The following ANKRD52 variants were observed in gnomAD, a reference collection of about 807,000 sequenced individuals.
ANKRD52 encodes the protein ankyrin repeat domain 52.
Under a neutral mutation model 116.0 loss-of-function variants are expected in ANKRD52, and 7 were observed. That is an observed-to-expected ratio of 0.06 (90% CI 0.03 to 0.11). The LOEUF (loss-of-function observed/expected upper bound fraction) is 0.11, where lower values mean the gene tolerates loss of function less well. Among genes scored for constraint, ANKRD52 ranks in the 10% least tolerant of loss-of-function variants. The pLI is 1.00. For missense variants in ANKRD52, 839 were observed against 1,408.6 expected (o/e 0.60, Z 6.47); for synonymous variants, 528 against 578.1 (o/e 0.91, Z 1.24).
Position 56,243,188 on chromosome 12 carries a change from T to C in ANKRD52, c.3185A>G (p.Gln1062Arg). 1 of 1,612,100 alleles carries C rather than the reference T, an allele frequency of 6.2e-7. No homozygotes were observed. Residue 1062 changes from glutamine (Q) to arginine (R), a missense_variant, in exon 28 of 28, where the codon CAG becomes CGG. Transcript: ENST00000267116. The surrounding 1 kb of genome is among the most constrained non-coding windows in gnomAD (Gnocchi z 4.6). ...TAACCCAATGGCGCCGGGCCGCTCC[T>C]GGCTGTAGGGGCAGGAGGCCCCATG... Reference protein sequence around the residue: ...LPHGASCPYSQERPGAIGLDG... With the variant: ...LPHGASCPYSRERPGAIGLDG...
In ANKRD52 at chr12:56,252,220, C is replaced by T. The variant is rs2135889135; in HGVS notation, c.1466G>A (p.Gly489Asp). ...GAGVNEADCK[G>D]CSPLHYAAAS... Reference sequence around the variant, plus strand: ...GGCAGCGTAGTGGAGGGGAGAGCAGCCTTTACAGTCGGCCTCGTTGACACC... The same window carrying T: ...GGCAGCGTAGTGGAGGGGAGAGCAGTCTTTACAGTCGGCCTCGTTGACACC... The change falls in exon 14 of 28, where the codon GGC becomes GAC. Residue 489 changes from glycine (G) to aspartate (D), a missense_variant. Coordinates refer to ENST00000267116, the MANE Select transcript of ANKRD52 (RefSeq NM_173595.4). This position sits in a 1 kb window ranked among gnomAD's most constrained non-coding sequence, Gnocchi z 4.7. 6.2e-7 allele frequency: 1 copy of T among 1,613,970 alleles called. No individual in the cohort carries two copies. The highest frequency in any genetic ancestry group is 2.2e-5 in the East Asian group (1 of 44,882).
chr12:56,255,684 G>T lies in ANKRD52; in HGVS notation c.462+100C>A. ...AAGTGTTTATATAACCATCCGGGCT[G>T]CTTCTCCTTCAGGCTTGAGGGCCCA... On this transcript the variant is annotated intron_variant, in intron 5 of 27. Coordinates refer to ENST00000267116, the MANE Select transcript of ANKRD52 (RefSeq NM_173595.4). This position sits in a 1 kb window ranked among gnomAD's most constrained non-coding sequence, Gnocchi z 4.3. 1 of 1,139,228 alleles carries T rather than the reference G, an allele frequency of 8.8e-7. No individual in the cohort carries two copies. Among genetic ancestry groups the T allele is most frequent in the Non-Finnish European group, 1.3e-6 (1 of 799,332 alleles). 70.6% of individuals were successfully genotyped at this position (1,139,228 alleles called of 1,614,324 possible). A position where few individuals can be genotyped will look rare whatever the true frequency, so the allele number is the denominator to read the frequency against.
At position 56,248,170 on chromosome 12, in the gene ANKRD52, G is replaced by A. The variant is rs755939369; in HGVS notation, c.1831C>T (p.Leu611=). 1.6e-5 allele frequency: 26 copies of A among 1,613,848 alleles called. No homozygotes were observed. The East Asian group carries it at 5.8e-4, about 36-fold the overall frequency. The change falls in exon 18 of 28, where the codon CTG becomes TTG. Residue 611 remains leucine (L), a synonymous_variant. Transcript: ENST00000267116. The surrounding 1 kb of genome is among the most constrained non-coding windows in gnomAD (Gnocchi z 5.1). ...CGGCCCTTGTGGTCCCTTACGTCCAGATTCACCAGCGTCTCCGCCAGCGTC... is the reference window on the plus strand; with the variant it reads ...CGGCCCTTGTGGTCCCTTACGTCCAAATTCACCAGCGTCTCCGCCAGCGTC... ...LKTLAETLVN[L]DVRDHKGRTA...
At chr12:56,247,633 G>C (rs1481262831) in intron 19 of ANKRD52, 23 bp from the exon 20 acceptor site, 1 of 1,590,870 alleles carries the variant, frequency 6.3e-7, no homozygotes, top group Non-Finnish European at 8.6e-7. Context: ...AGGAGGAGGA[G>C]TGAGGATCCC....
Position 56,252,621 on chromosome 12 carries a change from G to T in ANKRD52, c.1302-51C>A. On this transcript the variant is annotated intron_variant, in intron 12 of 27. Transcript: ENST00000267116. This position sits in a 1 kb window ranked among gnomAD's most constrained non-coding sequence, Gnocchi z 4.7. ...TTACAGCCTCAAAGGGAAGCCACAGGCCCAGGGTGGGGCTAAGGAAGGATG... is the reference window on the plus strand; with the variant it reads ...TTACAGCCTCAAAGGGAAGCCACAGTCCCAGGGTGGGGCTAAGGAAGGATG... The T allele has an allele frequency of 1.3e-6, 2 of 1,586,370 alleles. No individual in the cohort carries two copies. Among genetic ancestry groups the T allele is most frequent in the Non-Finnish European group, 1.7e-6 (2 of 1,155,996 alleles).
chr12:56,250,333 A>G (rs1271493384), intron 15 of ANKRD52, among the ~76,000 whole-genome samples: 3 of 150,760 alleles, frequency 2.0e-5, no homozygotes, highest in African/African-American at 7.3e-5. Context: ...CTGGAATTAC[A>G]GGCATGAGTC....
At chr12:56,257,211 T>C (rs1871996208) in intron 3 of ANKRD52, 72 bp downstream of exon 3, 3 of 1,544,214 alleles carry the variant, frequency 1.9e-6, no homozygotes, top group Admixed American at 1.9e-5. Context: ...AGAGCAATCC[T>C]TGAATATCAA....
In ANKRD52 at chr12:56,241,200, A is replaced by T. The variant is rs755244739; in HGVS notation, c.*1942T>A. 14 of 152,152 alleles carry T rather than the reference A, an allele frequency of 9.2e-5. No individual in the cohort carries two copies. Among genetic ancestry groups the T allele is most frequent in the Non-Finnish European group, 1.8e-4 (12 of 68,032 alleles). 9.4% of individuals were successfully genotyped at this position (152,152 alleles called of 1,614,324 possible). On this transcript the variant is annotated 3_prime_UTR_variant, in exon 28 of 28. Coordinates refer to ENST00000267116, the MANE Select transcript of ANKRD52 (RefSeq NM_173595.4). Reference sequence around the variant, plus strand: ...GGCTTTGAAAATAAAAATAAAAACTAAAAGCTGCACAATCCTTCTCATCAA... The same window carrying T: ...GGCTTTGAAAATAAAAATAAAAACTTAAAGCTGCACAATCCTTCTCATCAA...
In ANKRD52 at chr12:56,245,533, G is replaced by A; in HGVS notation, c.2248C>T (p.Arg750Ter). ...LLDHDAFVLC[R>*]DFKGRTPIHL... ...ATGGGCGTGCGGCCCTTAAAGTCTC[G>A]GCACAGCACAAATGCGTCGTGGTCC... The change falls in exon 21 of 28, where the codon CGA (arginine) becomes TGA (stop). Residue 750 changes from arginine (R) to a stop codon, truncating the protein, a stop_gained. Coordinates refer to ENST00000267116, the MANE Select transcript of ANKRD52 (RefSeq NM_173595.4). LOFTEE classifies it high-confidence loss of function. 6.2e-7 allele frequency: 1 copy of A among 1,611,094 alleles called. No individual in the cohort carries two copies. Among genetic ancestry groups the A allele is most frequent in the Non-Finnish European group, 8.5e-7 (1 of 1,178,810 alleles).
chr12:56,243,407 G>A lies in ANKRD52; in HGVS notation c.2981-15C>T, dbSNP rs1871254005. On this transcript the variant is annotated splice_polypyrimidine_tract_variant and intron_variant, in intron 27 of 27. Transcript: ENST00000267116. This position sits in a 1 kb window ranked among gnomAD's most constrained non-coding sequence, Gnocchi z 4.6. ...TGGGGTGTGACCTGCAGGGCCAAGG[G>A]GGAGAACTGAGGCATAGAGTCCTGT... 6.2e-7 allele frequency: 1 copy of A among 1,612,468 alleles called. No individual in the cohort carries two copies. The highest frequency in any genetic ancestry group is 1.3e-5 in the African/African-American group (1 of 74,914).
In ANKRD52 at chr12:56,253,677, T is replaced by C. The variant is rs1871806601; in HGVS notation, c.985+45A>G. On this transcript the variant is annotated intron_variant, in intron 9 of 27. Coordinates refer to ENST00000267116, the MANE Select transcript of ANKRD52 (RefSeq NM_173595.4). This position sits in a 1 kb window ranked among gnomAD's most constrained non-coding sequence, Gnocchi z 5.5. The stretch of plus-strand genomic sequence containing the variant: ...TCCCTAGATTCTAGAAATGAGTTCC[T>C]TGGGGGAGGAGGGGATGAGAGCACA... 2.5e-6 allele frequency: 4 copies of C among 1,587,582 alleles called. No homozygotes were observed. The highest frequency in any genetic ancestry group is 1.7e-5 in the Admixed American group (1 of 59,590).
rs111563777 is a variant in ANKRD52, at chr12:56,243,873, T to C, written c.2892A>G (p.Pro964=). ...INATNSALQM[P]LHIAARNGLA... is the part of the protein sequence containing the mutation. ...GACCATTCCGGGCAGCAATGTGGAG[T>C]GGCCTTGGAAAAAAGGAAAAAGAAG... The change falls in exon 27 of 28, where the codon CCA becomes CCG. Residue 964 remains proline, a synonymous_variant. Coordinates refer to ENST00000267116, the MANE Select transcript of ANKRD52 (RefSeq NM_173595.4). This position sits in a 1 kb window ranked among gnomAD's most constrained non-coding sequence, Gnocchi z 4.6. 2.8e-4 allele frequency: 446 copies of C among 1,565,696 alleles called. 3 individuals carry two copies. The Middle Eastern group carries it at 6.7e-3, about 23-fold the overall frequency.
rs1871883775 is a variant in ANKRD52, at chr12:56,255,102, G to A, written c.463-150C>T. 6.2e-6 allele frequency: 4 copies of A among 646,230 alleles called. No homozygotes were observed. 40.0% of individuals were successfully genotyped at this position (646,230 alleles called of 1,614,324 possible). A position where few individuals can be genotyped will look rare whatever the true frequency, so the allele number is the denominator to read the frequency against. ...ACCTGGAGGACTCGAGGGAACAGCA[G>A]AAGCAGGCACTAAGGAGGAGATACT... On this transcript the variant is annotated intron_variant, in intron 5 of 27. Coordinates refer to ENST00000267116, the MANE Select transcript of ANKRD52 (RefSeq NM_173595.4). The surrounding 1 kb of genome is among the most constrained non-coding windows in gnomAD (Gnocchi z 4.3).
In ANKRD52 at chr12:56,244,818, T is replaced by G. The variant is rs1166953132; in HGVS notation, c.2577-21A>C. On this transcript the variant is annotated intron_variant, in intron 23 of 27. Coordinates refer to ENST00000267116, the MANE Select transcript of ANKRD52 (RefSeq NM_173595.4). This position sits in a 1 kb window ranked among gnomAD's most constrained non-coding sequence, Gnocchi z 4.9. ...GGGTCCTGTAAGGCAGGGATCAGGGTAGATTAAAATAGGGAAGAGTATACT... is the reference window on the plus strand; with the variant it reads ...GGGTCCTGTAAGGCAGGGATCAGGGGAGATTAAAATAGGGAAGAGTATACT... 1.2e-6 allele frequency: 2 copies of G among 1,613,456 alleles called. No individual in the cohort carries two copies. Among genetic ancestry groups the G allele is most frequent in the South Asian group, 1.1e-5 (1 of 91,052 alleles).
rs760588310 is a variant in ANKRD52 at position 56,248,264 on chromosome 12, C to T, written c.1777-40G>A. ...GCAACCAGTGCACACAGCTCGGGAC[C>T]TTCCCTGCTCCTCCCTTCCCCTTCT... On this transcript the variant is annotated intron_variant, in intron 17 of 27. Coordinates refer to ENST00000267116, the MANE Select transcript of ANKRD52 (RefSeq NM_173595.4). The surrounding 1 kb of genome is among the most constrained non-coding windows in gnomAD (Gnocchi z 5.1). 2.5e-6 allele frequency: 4 copies of T among 1,601,664 alleles called. No individual in the cohort carries two copies. Among genetic ancestry groups the T allele is most frequent in the Non-Finnish European group, 2.6e-6 (3 of 1,171,294 alleles).
chr12:56,247,901 A>G, intron 18 of ANKRD52, 122 bp downstream of exon 18: 1 of 1,358,048 alleles, frequency 7.4e-7, no homozygotes, highest in Non-Finnish European at 1.0e-6. Flanking sequence ...GAGGATAGGA[A>G]GCTATGAATC....
In ANKRD52 at chr12:56,254,395, G is replaced by A. The variant is rs1871846309; in HGVS notation, c.694-116C>T. Reference sequence around the variant, plus strand: ...CTGCCTCATTTCCTCTCGGGTTTATGACCCAAGGTACTAAGGTACTAAGGG... The same window carrying A: ...CTGCCTCATTTCCTCTCGGGTTTATAACCCAAGGTACTAAGGTACTAAGGG... On this transcript the variant is annotated intron_variant, in intron 7 of 27. Transcript: ENST00000267116. The surrounding 1 kb of genome is among the most constrained non-coding windows in gnomAD (Gnocchi z 4.6). 3 of 1,444,270 alleles carry A rather than the reference G, an allele frequency of 2.1e-6. No homozygotes were observed. Among genetic ancestry groups the A allele is most frequent in the Non-Finnish European group, 2.8e-6 (3 of 1,055,432 alleles). The allele number at this position is 1,444,270 out of a possible 1,614,324, so 89.5% of individuals were successfully genotyped here.
intron 4 of ANKRD52, among the ~76,000 whole-genome samples, chr12:56,256,354 T>C (rs1871952772): frequency 6.6e-6 from 1 of 152,206 alleles, no homozygotes; most frequent in Non-Finnish European, 1.5e-5. Flanking sequence ...TCTTGCTACA[T>C]CTTGCCCTGA....
chr12:56,248,693 T>C lies in ANKRD52; in HGVS notation c.1704+66A>G. The stretch of plus-strand genomic sequence containing the variant: ...ACCACATTTGATTGAACCCTTAGTT[T>C]TGGAATCCACAAACCCTGTGCCCTG... On this transcript the variant is annotated intron_variant, in intron 16 of 27. Coordinates refer to ENST00000267116, the MANE Select transcript of ANKRD52 (RefSeq NM_173595.4). This position sits in a 1 kb window ranked among gnomAD's most constrained non-coding sequence, Gnocchi z 5.1. 1 of 1,511,446 alleles carries C rather than the reference T, an allele frequency of 6.6e-7. No homozygotes were observed. The highest frequency in any genetic ancestry group is 9.0e-7 in the Non-Finnish European group (1 of 1,106,422). The allele number at this position is 1,511,446 out of a possible 1,614,324, so 93.6% of individuals were successfully genotyped here.
Sources: allele counts gnomAD v4.1 joint callset (sites outside exome capture counted in the v4.1 genomes callset), GRCh38; gene constraint gnomAD v4.1.1; non-coding constraint Gnocchi (gnomAD v3.1); transcripts MANE v1.5; gene names NCBI Gene and HGNC (gene_info 2026-07-23, HGNC 2026-07-21).